Variants in DOCK7 observed in about 807,000 individuals in gnomAD.
The protein encoded by DOCK7 is dedicator of cytokinesis 7.
In DOCK7, 138 loss-of-function variants were observed where a neutral mutation model predicts 271.0. The ratio of observed to expected loss-of-function variants is 0.51; its 90% CI spans 0.44 to 0.59. The LOEUF is 0.59. Ranked by LOEUF, DOCK7 falls within the 20% of genes least tolerant of loss-of-function variation. DOCK7 has a pLI of 0.00. For synonymous variants in DOCK7, 823 were observed against 876.1 expected, an observed-to-expected ratio of 0.94 and a Z score of 1.07; for missense variants, 2,066 against 2,592.4, an observed-to-expected ratio of 0.80 and a Z score of 4.41.
At chr1:62,572,728 TC>T (rs996704801) in intron 18 of DOCK7, among the ~76,000 whole-genome samples, 5 of 151,996 alleles carry the variant, frequency 3.3e-5, no homozygotes, top group African/African-American at 1.2e-4. Context: ...TAAACCCAAT[TC>T]CCTTCCAAAG....
chr1:62,687,829 G>T (rs555146724), intron 1 of DOCK7, among the ~76,000 whole-genome samples: 6 of 152,254 alleles, frequency 3.9e-5, no homozygotes, highest in Admixed American at 1.3e-4. Flanking sequence ...GCGGAGAGAC[G>T]GGAGGGGGCG....
chr1:62,602,465 AAGT>A, intron 14 of DOCK7: 1 of 1,198,628 alleles, frequency 8.3e-7, no homozygotes, highest in East Asian at 2.3e-5. Context: ...GTATTAGGAA[AAGT>A]AGTAACGAAC....
At chr1:62,648,843 G>A (rs983424839) in intron 4 of DOCK7, among the ~76,000 whole-genome samples, 1 of 151,684 alleles carries the variant, frequency 6.6e-6, no homozygotes, top group Non-Finnish European at 1.5e-5. Flanking sequence ...AAGAAAACTT[G>A]GGAAGCCAGT....
At chr1:62,577,721 T>C (rs1157983001) in intron 17 of DOCK7, among the ~76,000 whole-genome samples, 2 of 152,276 alleles carry the variant, frequency 1.3e-5, no homozygotes, top group South Asian at 2.1e-4. Flanking sequence ...GAGACAGGAA[T>C]GATAGAAACA....
intron 14 of DOCK7, chr1:62,602,213 A>G (rs1650227028): frequency 8.0e-7 from 1 of 1,242,898 alleles, no homozygotes; most frequent in Non-Finnish European, 1.2e-6. Flanking sequence ...AAATCAAACA[A>G]ACAAAAAAGT....
intron 42 of DOCK7, 183 bp downstream of exon 42, chr1:62,488,751 G>T: frequency 3.9e-6 from 3 of 760,370 alleles, no homozygotes; most frequent in Non-Finnish European, 6.7e-6. Context: ...TTTACTTTAG[G>T]TGAATTCATT....
At chr1:62,500,970 T>C (rs1646764956) in intron 37 of DOCK7, among the ~76,000 whole-genome samples, 1 of 151,542 alleles carries the variant, frequency 6.6e-6, no homozygotes, top group Admixed American at 6.6e-5. Context: ...CCAGGAGTTC[T>C]GGGCTACAGT....
intron 4 of DOCK7, 112 bp downstream of exon 4, chr1:62,653,613 A>G: frequency 1.5e-6 from 1 of 687,862 alleles, no homozygotes; most frequent in Non-Finnish European, 2.5e-6. Context: ...TTGTTTCTTC[A>G]GCTATTTTGT....
chr1:62,512,486 T>C (rs74076699), intron 33 of DOCK7, among the ~76,000 whole-genome samples: 5,596 of 152,266 alleles, frequency 0.037, 254 homozygotes, highest in African/African-American at 0.11. Context: ...ATTTGGCTAA[T>C]GGGTAGCAGA....
At chr1:62,612,100 G>A (rs1651870851) in intron 14 of DOCK7, among the ~76,000 whole-genome samples, 1 of 152,054 alleles carries the variant, frequency 6.6e-6, no homozygotes, top group Non-Finnish European at 1.5e-5. Context: ...AGGTTGCAGT[G>A]AACCAAGATC....
intron 38 of DOCK7, chr1:62,495,898 C>T (rs1176760076): frequency 2.4e-6 from 1 of 425,324 alleles, no homozygotes; most frequent in East Asian, 4.2e-5. Flanking sequence ...TATTTTTGTT[C>T]TTTCACCTGG....
rs1451167673 is a variant in DOCK7, at chr1:62,475,959, GT to G, written c.5725-17del. The G allele has an allele frequency of 6.2e-7, 1 of 1,609,862 alleles. No homozygotes were observed. ...GAATATATGCCTAGGAAAGAAAAAA[GT>G]CCTTCATTTCCTCACTGTTAAGTCA... On this transcript the variant is annotated splice_polypyrimidine_tract_variant and intron_variant, in intron 45 of 49. Coordinates refer to ENST00000635253, the MANE Select transcript of DOCK7 (RefSeq NM_001367561.1).
At chr1:62,526,240 C>G (rs1645003752) in intron 31 of DOCK7, among the ~76,000 whole-genome samples, 1 of 152,122 alleles carries the variant, frequency 6.6e-6, no homozygotes, top group African/African-American at 2.4e-5. Flanking sequence ...TGTGTCTGAC[C>G]AATGACAAAA....
intron 14 of DOCK7, among the ~76,000 whole-genome samples, chr1:62,613,737 T>C (rs948929431): frequency 1.3e-5 from 2 of 152,152 alleles, no homozygotes; most frequent in Non-Finnish European, 2.9e-5. Context: ...TCATTCCCCC[T>C]ATATTCATGC....
intron 1 of DOCK7, among the ~76,000 whole-genome samples, chr1:62,674,731 T>C (rs973002485): frequency 6.6e-5 from 10 of 152,140 alleles, no homozygotes; most frequent in African/African-American, 1.9e-4. Context: ...TTCAACAGTG[T>C]TGCAACAATT....
At chr1:62,466,657 T>TACTGTG (rs1645685521) in intron 48 of DOCK7, among the ~76,000 whole-genome samples, 1 of 152,066 alleles carries the variant, frequency 6.6e-6, no homozygotes, top group South Asian at 2.1e-4. Context: ...CTCGGCCAGG[T>TACTGTG]ACTGTGGCTC....
rs186810800 is a variant in DOCK7 at position 62,585,089 on chromosome 1, A to G, written c.1800+1418T>C. ...ATTCCTTCAGCAGAAATGAACTAGT[A>G]TAAAACATGAAATGTGAATTCCAAA... On this transcript the variant is annotated intron_variant, in intron 15 of 49. Coordinates refer to ENST00000635253, the MANE Select transcript of DOCK7 (RefSeq NM_001367561.1). 1.5e-3 allele frequency among the ~76,000 whole-genome samples: 229 copies of G among 152,320 alleles called. 2 individuals are homozygous for G. The highest frequency in any genetic ancestry group is 4.8e-3 in the African/African-American group (199 of 41,588).
intron 14 of DOCK7, chr1:62,604,758 T>C (rs1401830114): frequency 6.2e-7 from 1 of 1,613,204 alleles, no homozygotes; most frequent in East Asian, 2.2e-5. Context: ...TGGAAGGTTA[T>C]ACTCTATAAA....
chr1:62,591,705 G>C (rs1485630397), intron 14 of DOCK7, among the ~76,000 whole-genome samples: 7 of 152,028 alleles, frequency 4.6e-5, no homozygotes, highest in South Asian at 2.1e-4. Context: ...TTTGCTTTGC[G>C]GGCATGGACA....
Sources: allele counts gnomAD v4.1 joint callset (sites outside exome capture counted in the v4.1 genomes callset), GRCh38; gene constraint gnomAD v4.1.1; transcripts MANE v1.5; gene names NCBI Gene and HGNC (gene_info 2026-07-23, HGNC 2026-07-21).